ZER1: variants seen among roughly 807,000 people sequenced by gnomAD.
ZER1 encodes zyg-11 related cell cycle regulator.
Under a neutral mutation model 78.8 loss-of-function variants are expected in ZER1, and 11 were observed. That is an observed-to-expected ratio of 0.14 (90% confidence interval 0.09 to 0.23). The LOEUF (loss-of-function observed/expected upper bound fraction) is 0.23. Among genes scored for constraint, ZER1 ranks in the 10% least tolerant of loss-of-function variants. The probability of loss-of-function intolerance (pLI) is 1.00; values close to 1 mark genes in which losing one functional copy is unlikely to be tolerated. For missense variants in ZER1, 588 were observed against 996.9 expected, an observed-to-expected ratio of 0.59 and a Z score of 5.52; for synonymous variants, 400 against 407.0, an observed-to-expected ratio of 0.98 and a Z score of 0.21.
Position 128,753,613 on chromosome 9 carries a change from A to G in ZER1, c.310-13T>C. ...GCTCCACCAGGTCCTGGGAGTGGGC[A>G]CAGCTCCATCATCATCACCACCCTT... On this transcript the variant is annotated splice_polypyrimidine_tract_variant and intron_variant, in intron 3 of 15. Transcript: ENST00000291900. The surrounding 1 kb of genome is among the most constrained non-coding windows in gnomAD (Gnocchi z 7.5). The G allele has an allele frequency of 1.9e-6, 3 of 1,610,864 alleles. No homozygotes were observed. The highest frequency in any genetic ancestry group is 2.5e-6 in the Non-Finnish European group (3 of 1,178,674).
rs575507825 is a variant in ZER1, at chr9:128,751,615, T to G, written c.924-88A>C. ...TGGGGGTGGTGAGGCATTTCCTTGC[T>G]TTCTCTTCTAGGCCCTCCAACCTCA... is the stretch of plus-strand genomic sequence containing the variant. On this transcript the variant is annotated intron_variant, in intron 5 of 15. Transcript: ENST00000291900. This position sits in a 1 kb window ranked among gnomAD's most constrained non-coding sequence, Gnocchi z 5.4. 1 of 1,135,594 alleles carries G rather than the reference T, an allele frequency of 8.8e-7. No individual in the cohort carries two copies. The highest frequency in any genetic ancestry group is 1.5e-5 in the African/African-American group (1 of 65,330). 70.3% of individuals were successfully genotyped at this position (1,135,594 alleles called of 1,614,324 possible). A position where few individuals can be genotyped will look rare whatever the true frequency, so the allele number is the denominator to read the frequency against.
chr9:128,750,119 C>T (rs1863626239), intron 8 of ZER1, among the ~76,000 whole-genome samples: 1 of 152,178 alleles, frequency 6.6e-6, no homozygotes, highest in Admixed American at 6.5e-5. Context: ...TAAAAATCCA[C>T]CATATACAAA....
chr9:128,764,540 G>A (rs1864147375), intron 1 of ZER1, among the ~76,000 whole-genome samples: 2 of 152,160 alleles, frequency 1.3e-5, no homozygotes, highest in African/African-American at 4.8e-5. Context: ...CAGGTAGATG[G>A]CGCCATCTGC....
Position 128,731,151 on chromosome 9 carries a change from A to AAT in ZER1, c.*184_*185dup, listed in dbSNP as rs932193386. On this transcript the variant is annotated 3_prime_UTR_variant, in exon 16 of 16. Transcript: ENST00000291900. ...CTTCACACTTCCTAACCAAAAAAAA[A>AAT]ATATATATATATAATATATATATAT... 1.8e-4 allele frequency: 43 copies of AAT among 245,652 alleles called. No individual in the cohort carries two copies. Among genetic ancestry groups the AAT allele is most frequent in the Non-Finnish European group, 2.5e-4 (34 of 134,130 alleles). The allele number at this position is 245,652 out of a possible 1,614,324, so 15.2% of individuals were successfully genotyped here.
Position 128,771,738 on chromosome 9 carries a change from G to A in ZER1, c.-252C>T, listed in dbSNP as rs534333807. On this transcript the variant is annotated 5_prime_UTR_variant, in exon 1 of 16. Transcript: ENST00000291900. ...CGGGGTCCAGGGGAGACGGGGGTCGGCGGGGCGGAGCTTGGGATCCCGGGG... is the reference window on the plus strand; with the variant it reads ...CGGGGTCCAGGGGAGACGGGGGTCGACGGGGCGGAGCTTGGGATCCCGGGG... The A allele has an allele frequency of 6.6e-6, 1 of 152,376 alleles. No homozygotes were observed. Among genetic ancestry groups the A allele is most frequent in the Non-Finnish European group, 1.5e-5 (1 of 68,116 alleles). The allele number at this position is 152,376 out of a possible 1,614,324, so 9.4% of individuals were successfully genotyped here.
intron 8 of ZER1, among the ~76,000 whole-genome samples, chr9:128,747,355 C>T (rs1863527150): frequency 6.6e-6 from 1 of 151,866 alleles, no homozygotes. Flanking sequence ...TTATTTGGCC[C>T]TGGGGGCTGT....
chr9:128,738,192 A>C (rs1202170490), intron 13 of ZER1, among the ~76,000 whole-genome samples: 1 of 146,202 alleles, frequency 6.8e-6, no homozygotes, highest in Non-Finnish European at 1.5e-5. Flanking sequence ...CTACAGGCGC[A>C]TGCCACCACG....
chr9:128,734,144 A>ATATATATAT (rs1554784814), intron 14 of ZER1, among the ~76,000 whole-genome samples: 12 of 14,422 alleles, frequency 8.3e-4, no homozygotes, highest in Admixed American at 4.5e-3. Flanking sequence ...AAAAAAAAAA[A>ATATATATAT]ATATATATAT....
chr9:128,769,350 T>G (rs1011005682), intron 1 of ZER1, among the ~76,000 whole-genome samples: 4 of 152,226 alleles, frequency 2.6e-5, no homozygotes, highest in African/African-American at 9.7e-5. Flanking sequence ...AATACTGCAT[T>G]AAGCACTTCA....
chr9:128,751,245 CTCT>C lies in ZER1; in HGVS notation c.1059_1061del (p.Glu354del). Reference sequence around the variant, plus strand: ...AGGCCTCGATGGCATTCAGCACCTGCTCTTCGTTTTTGTCACCACTTACCTGCG... The same window carrying C: ...AGGCCTCGATGGCATTCAGCACCTGCTCGTTTTTGTCACCACTTACCTGCG... On this transcript the variant is annotated inframe_deletion, in exon 7 of 16. Transcript: ENST00000291900. The surrounding 1 kb of genome is among the most constrained non-coding windows in gnomAD (Gnocchi z 5.4). 1.2e-6 allele frequency: 2 copies of C among 1,600,118 alleles called. No individual in the cohort carries two copies. The highest frequency in any genetic ancestry group is 1.7e-6 in the Non-Finnish European group (2 of 1,168,526).
intron 8 of ZER1, among the ~76,000 whole-genome samples, chr9:128,744,320 T>C (rs895675217): frequency 4.0e-5 from 6 of 151,854 alleles, no homozygotes; most frequent in Non-Finnish European, 7.4e-5. Flanking sequence ...GCCTCCCAAG[T>C]AGCTGGGATT....
chr9:128,762,768 G>A (rs1020993102), intron 1 of ZER1, among the ~76,000 whole-genome samples: 1 of 152,168 alleles, frequency 6.6e-6, no homozygotes, highest in African/African-American at 2.4e-5. Flanking sequence ...CCCACTGGCA[G>A]CATGGCACCC....
Position 128,742,727 on chromosome 9 carries a change from G to A in ZER1, c.1378C>T (p.Leu460=). The change falls in exon 9 of 16, where the codon CTG becomes TTG. Residue 460 remains leucine (L), a synonymous_variant. Transcript: ENST00000291900. ...GGGATGCTGAAGTTGCAGAGCGTCA[G>A]GCAGCAGTTCCGCTGCACCTGGGCC... The part of the protein sequence containing the change: ...QEVTVQRNCC[L]TLCNFSIPEE... 1 of 1,611,864 alleles carries A rather than the reference G, an allele frequency of 6.2e-7. No individual in the cohort carries two copies. The highest frequency in any genetic ancestry group is 1.1e-5 in the South Asian group (1 of 90,768).
chr9:128,739,463 C>T (rs1863213323), intron 13 of ZER1, among the ~76,000 whole-genome samples: 2 of 150,044 alleles, frequency 1.3e-5, no homozygotes, highest in Admixed American at 1.3e-4. Context: ...GATTGCACCA[C>T]TGCACTCCAG....
intron 8 of ZER1, among the ~76,000 whole-genome samples, chr9:128,747,689 C>T (rs1286667021): frequency 6.6e-6 from 1 of 152,200 alleles, no homozygotes; most frequent in Non-Finnish European, 1.5e-5. Flanking sequence ...TCTCAGCTCA[C>T]TGAAATCTCC....
Position 128,729,959 on chromosome 9 carries a change from CAG to C in ZER1, c.*1376_*1377del, listed in dbSNP as rs1862754797. ...GCCCATCTGCCAAGCTGGGGGAACA[CAG>C]GGCTGCGCCCACTTCCCAGGGCCGG... On this transcript the variant is annotated 3_prime_UTR_variant, in exon 16 of 16. Coordinates refer to ENST00000291900, the MANE Select transcript of ZER1 (RefSeq NM_006336.4). 1 of 152,576 alleles carries C rather than the reference CAG, an allele frequency of 6.6e-6. No individual in the cohort carries two copies. Among genetic ancestry groups the C allele is most frequent in the Non-Finnish European group, 1.5e-5 (1 of 68,226 alleles). The allele number at this position is 152,576 out of a possible 1,614,324, so 9.5% of individuals were successfully genotyped here. A position where few individuals can be genotyped will look rare whatever the true frequency, so the allele number is the denominator to read the frequency against.
In ZER1 at chr9:128,754,055, C is replaced by G; in HGVS notation, c.159-96G>C. 3.4e-6 allele frequency: 5 copies of G among 1,454,980 alleles called. No homozygotes were observed. Among genetic ancestry groups the G allele is most frequent in the Non-Finnish European group, 4.6e-6 (5 of 1,080,424 alleles). The allele number at this position is 1,454,980 out of a possible 1,614,324, so 90.1% of individuals were successfully genotyped here. ...TCCTCCCCCTGAAGCTTTCTTGGAT[C>G]ACCCCAAGTAGCAACCTCCTTCTCC... is the stretch of plus-strand genomic sequence containing the variant. On this transcript the variant is annotated intron_variant, in intron 2 of 15. Coordinates refer to ENST00000291900, the MANE Select transcript of ZER1 (RefSeq NM_006336.4). The surrounding 1 kb of genome is among the most constrained non-coding windows in gnomAD (Gnocchi z 4.3).
At chr9:128,736,434 C>T (rs2132395285) in intron 13 of ZER1, among the ~76,000 whole-genome samples, 1 of 149,282 alleles carries the variant, frequency 6.7e-6, no homozygotes, top group Middle Eastern at 3.5e-3. Context: ...CACTCTGTCG[C>T]CCAGGCTGGA....
intron 13 of ZER1, among the ~76,000 whole-genome samples, chr9:128,735,906 T>C (rs767260908): frequency 4.0e-5 from 6 of 150,180 alleles, no homozygotes; most frequent in Non-Finnish European, 7.4e-5. Flanking sequence ...GCCTCCTGAG[T>C]AACTGAGACT....
Sources: allele counts gnomAD v4.1 joint callset (sites outside exome capture counted in the v4.1 genomes callset), GRCh38; gene constraint gnomAD v4.1.1; non-coding constraint Gnocchi (gnomAD v3.1); transcripts MANE v1.5; gene names NCBI Gene and HGNC (gene_info 2026-07-23, HGNC 2026-07-21).